The following SUSD6 variants were observed in gnomAD, a reference collection of about 807,000 sequenced individuals.
SUSD6 encodes the protein sushi domain-containing protein 6.
SUSD6 carries 16 observed loss-of-function variants against 28.4 expected under a neutral mutation model. The observed-to-expected ratio is 0.56, with a 90% CI of 0.38 to 0.86. The LOEUF (loss-of-function observed/expected upper bound fraction) is 0.86. Ranked by LOEUF, SUSD6 falls within the 40% of genes least tolerant of loss-of-function variation. SUSD6 has a pLI of 0.00. For synonymous variants in SUSD6, 147 were observed against 159.6 expected, an observed-to-expected ratio of 0.92 and a Z score of 0.59; for missense variants, 341 against 384.2, an observed-to-expected ratio of 0.89 and a Z score of 0.94.
intron 1 of SUSD6, among the ~76,000 whole-genome samples, chr14:69,656,112 TC>T (rs1885578757): frequency 6.7e-6 from 1 of 149,142 alleles, no homozygotes; most frequent in Non-Finnish European, 1.5e-5. Flanking sequence ...TCCTTTCCCT[TC>T]CTCTTCCTCT....
At chr14:69,656,594 T>C (rs866103894) in intron 1 of SUSD6, among the ~76,000 whole-genome samples, 2 of 152,318 alleles carry the variant, frequency 1.3e-5, no homozygotes, top group Middle Eastern at 3.4e-3. Context: ...GCAGGTCTTA[T>C]TAATGATTAC....
rs190929198 is a variant in SUSD6 at position 69,622,662 on chromosome 14, C to T, written c.-81+10834C>T. 7.1e-3 allele frequency among the ~76,000 whole-genome samples: 1,073 copies of T among 152,134 alleles called. 17 individuals carry two copies. Among genetic ancestry groups the T allele is most frequent in the African/African-American group, 0.024 (1,013 of 41,490 alleles). ...AGGCTGGAGTGCAGTGGTGCGATCTCGGCTCACTGCAACCTCTGTCTCCCA... is the reference window on the plus strand; with the variant it reads ...AGGCTGGAGTGCAGTGGTGCGATCTTGGCTCACTGCAACCTCTGTCTCCCA... On this transcript the variant is annotated intron_variant, in intron 1 of 5. Coordinates refer to ENST00000342745, the MANE Select transcript of SUSD6 (RefSeq NM_014734.4).
Position 69,677,298 on chromosome 14 carries a change from C to T in SUSD6, c.121+18585C>T, listed in dbSNP as rs1300670968. On this transcript the variant is annotated intron_variant, in intron 2 of 5. Coordinates refer to ENST00000342745, the MANE Select transcript of SUSD6 (RefSeq NM_014734.4). ...TGGTGGCTTACGCCTGTAATCCCAG[C>T]ACTTTGGGAGGCCGAGGCGGGTGGA... Among the ~76,000 whole-genome samples the T allele has an allele frequency of 2.0e-5, 3 of 152,224 alleles. No individual in the cohort carries two copies. The East Asian group carries it at 5.8e-4, about 29-fold the overall frequency.
chr14:69,671,458 C>G (rs557350668), intron 2 of SUSD6, among the ~76,000 whole-genome samples: 1 of 152,182 alleles, frequency 6.6e-6, no homozygotes, highest in Non-Finnish European at 1.5e-5. Flanking sequence ...ATCACCTGGC[C>G]TCAGTTCAGC....
chr14:69,628,754 T>G (rs1306162210), intron 1 of SUSD6, among the ~76,000 whole-genome samples: 6 of 142,834 alleles, frequency 4.2e-5, no homozygotes, highest in Non-Finnish European at 7.5e-5. Context: ...AGGGTATCAC[T>G]CTGTTGTCCA....
chr14:69,626,754 A>G (rs980147322), intron 1 of SUSD6, among the ~76,000 whole-genome samples: 5 of 151,902 alleles, frequency 3.3e-5, no homozygotes, highest in Non-Finnish European at 7.4e-5. Context: ...ATCATAGCTC[A>G]CTATAGCTTC....
intron 1 of SUSD6, among the ~76,000 whole-genome samples, chr14:69,616,471 G>A (rs1342904606): frequency 6.6e-6 from 1 of 152,164 alleles, no homozygotes; most frequent in Non-Finnish European, 1.5e-5. Context: ...TCTGGGAATG[G>A]CATAAGAGCC....
At chr14:69,651,803 G>A (rs985343573) in intron 1 of SUSD6, among the ~76,000 whole-genome samples, 6 of 152,216 alleles carry the variant, frequency 3.9e-5, no homozygotes, top group Admixed American at 6.5e-5. Flanking sequence ...GGGAGATGTT[G>A]CAGGGAAGAA....
At chr14:69,656,948 ACTG>A (rs925968259) in intron 1 of SUSD6, among the ~76,000 whole-genome samples, 5 of 152,182 alleles carry the variant, frequency 3.3e-5, no homozygotes, top group African/African-American at 1.2e-4. Context: ...AAAGGCTCAA[ACTG>A]GAGTCTGGGT....
chr14:69,697,191 G>T (rs1886238114), intron 2 of SUSD6, among the ~76,000 whole-genome samples: 2 of 152,138 alleles, frequency 1.3e-5, no homozygotes, highest in African/African-American at 2.4e-5. Flanking sequence ...ATTATAATTA[G>T]CATATAATGA....
At chr14:69,620,074 G>A (rs1885015286) in intron 1 of SUSD6, among the ~76,000 whole-genome samples, 1 of 152,192 alleles carries the variant, frequency 6.6e-6, no homozygotes, top group Admixed American at 6.5e-5. Flanking sequence ...GTTTCAGTTG[G>A]CATGCTTGAG....
At chr14:69,640,738 G>A (rs924514170) in intron 1 of SUSD6, among the ~76,000 whole-genome samples, 1 of 152,174 alleles carries the variant, frequency 6.6e-6, no homozygotes, top group Non-Finnish European at 1.5e-5. Flanking sequence ...CCTGACATTG[G>A]TAGACTAACT....
intron 2 of SUSD6, among the ~76,000 whole-genome samples, chr14:69,677,341 C>T (rs1040389217): frequency 1.3e-5 from 2 of 152,014 alleles, no homozygotes; most frequent in African/African-American, 4.8e-5. Flanking sequence ...GTCAGGAGAT[C>T]GAGACTATCC....
At chr14:69,671,247 A>C (rs941086157) in intron 2 of SUSD6, among the ~76,000 whole-genome samples, 1 of 152,238 alleles carries the variant, frequency 6.6e-6, no homozygotes, top group Admixed American at 6.5e-5. Flanking sequence ...GAATGAGTCT[A>C]AACAGGAAAG....
At chr14:69,634,211 A>G (rs879785025) in intron 1 of SUSD6, among the ~76,000 whole-genome samples, 1 of 152,182 alleles carries the variant, frequency 6.6e-6, no homozygotes, top group African/African-American at 2.4e-5. Context: ...AGGGTGTGAA[A>G]GGTGCCTGGC....
chr14:69,638,159 G>A (rs993683215), intron 1 of SUSD6, among the ~76,000 whole-genome samples: 1 of 152,128 alleles, frequency 6.6e-6, no homozygotes, highest in African/African-American at 2.4e-5. Context: ...GTTATTCTCT[G>A]TTCAGATGCA....
intron 1 of SUSD6, among the ~76,000 whole-genome samples, chr14:69,623,982 C>A (rs1885078398): frequency 6.6e-6 from 1 of 151,968 alleles, no homozygotes; most frequent in African/African-American, 2.4e-5. Context: ...AAATATGTAG[C>A]CTAAGTGTAC....
At chr14:69,675,426 A>G (rs537410492) in intron 2 of SUSD6, among the ~76,000 whole-genome samples, 1 of 152,284 alleles carries the variant, frequency 6.6e-6, no homozygotes, top group South Asian at 2.1e-4. Flanking sequence ...GGACGTCCAG[A>G]GGACTAGGTA....
chr14:69,708,039 T>C (rs1886409375), intron 4 of SUSD6, among the ~76,000 whole-genome samples: 1 of 152,244 alleles, frequency 6.6e-6, no homozygotes, highest in Admixed American at 6.5e-5. Flanking sequence ...TCTTGTGTTC[T>C]GTTTTCTGTA....
Sources: gnomAD v4.1 joint callset for allele counts (sites outside exome capture counted in the v4.1 genomes callset) on GRCh38, gnomAD v4.1.1 for gene constraint, MANE v1.5 for transcripts, NCBI Gene and HGNC (gene_info 2026-07-23, HGNC 2026-07-21) for gene names.